The following ATIC variants were observed in gnomAD, a reference collection of about 807,000 sequenced individuals.
ATIC encodes the protein 5-aminoimidazole-4-carboxamide ribonucleotide formyltransferase/IMP cyclohydrolase.
Under a neutral mutation model 72.5 loss-of-function variants are expected in ATIC, and 64 were observed. The ratio of observed to expected loss-of-function variants is 0.88; its 90% CI spans 0.72 to 1.09. The LOEUF (loss-of-function observed/expected upper bound fraction) is 1.09. ATIC is among the 50% of genes least tolerant of loss of function. The pLI is 0.00. For missense variants in ATIC, 787 were observed against 732.4 expected (o/e 1.07, Z -0.86); for synonymous variants, 281 against 267.1 (o/e 1.05, Z -0.51).
At chr2:215,325,516 A>G (rs887417374) in intron 5 of ATIC, among the ~76,000 whole-genome samples, 187 bp downstream of exon 5, 3 of 151,670 alleles carry the variant, frequency 2.0e-5, no homozygotes, top group Non-Finnish European at 4.4e-5. Context: ...CTTTTTTTGT[A>G]TGCAGAGATG....
chr2:215,342,570 T>G (rs115996084), intron 12 of ATIC, among the ~76,000 whole-genome samples: 2,719 of 152,356 alleles, frequency 0.018, 35 homozygotes, highest in Middle Eastern at 0.037. Flanking sequence ...TCACTTGATA[T>G]GGCTTCCACC....
downstream of ATIC, among the ~76,000 whole-genome samples, chr2:215,351,659 A>C (rs1358336972): frequency 6.6e-6 from 1 of 152,186 alleles, no homozygotes; most frequent in Non-Finnish European, 1.5e-5. Flanking sequence ...ATGAAGAATA[A>C]ATAAGTGGAG....
chr2:215,346,269 C>G (rs1484609980), intron 13 of ATIC, among the ~76,000 whole-genome samples: 1 of 152,128 alleles, frequency 6.6e-6, no homozygotes, highest in Non-Finnish European at 1.5e-5. Context: ...TCAAGCGGTC[C>G]TACCACTTCA....
intron 7 of ATIC, among the ~76,000 whole-genome samples, chr2:215,327,470 G>T (rs1045824719): frequency 2.6e-5 from 4 of 152,194 alleles, no homozygotes. Context: ...GCAGAAATGT[G>T]ATGTTAAGAA....
intron 11 of ATIC, among the ~76,000 whole-genome samples, chr2:215,337,658 C>G (rs193283522): frequency 1.2e-3 from 187 of 152,328 alleles, no homozygotes; most frequent in African/African-American, 4.4e-3. Flanking sequence ...TGAGCCACCG[C>G]GCCTGGCCCC....
chr2:215,325,815 C>T (rs1185668815), intron 5 of ATIC, among the ~76,000 whole-genome samples, 172 bp from the exon 6 acceptor site: 12 of 152,180 alleles, frequency 7.9e-5, no homozygotes, highest in Admixed American at 7.9e-4. Context: ...ATCCACCTGC[C>T]TCAGCCTCCC....
intron 4 of ATIC, 84 bp from the exon 5 acceptor site, chr2:215,325,157 G>C: frequency 1.0e-6 from 1 of 968,516 alleles, no homozygotes; most frequent in East Asian, 2.4e-5. Context: ...TACGTTAATA[G>C]TACTGACTTG....
At chr2:215,337,366 A>G (rs1292238969) in intron 11 of ATIC, among the ~76,000 whole-genome samples, 5 of 152,124 alleles carry the variant, frequency 3.3e-5, no homozygotes. Flanking sequence ...ACCACATTAA[A>G]GTTAATACTT....
intron 14 of ATIC, among the ~76,000 whole-genome samples, chr2:215,348,162 G>C (rs1287088599): frequency 2.6e-5 from 4 of 152,150 alleles, no homozygotes; most frequent in African/African-American, 9.7e-5. Context: ...TTGCATTGGG[G>C]ATTAAGTTTC....
chr2:215,362,084 G>A, the ATIC span: 3 of 1,609,458 alleles, frequency 1.9e-6, no homozygotes, highest in South Asian at 1.1e-5. Flanking sequence ...CCAGCCCTGA[G>A]AGAGTAGAGG....
At chr2:215,326,182 G>A (rs1348695283) in intron 6 of ATIC, 44 bp downstream of exon 6, 10 of 1,611,702 alleles carry the variant, frequency 6.2e-6, no homozygotes, top group Non-Finnish European at 8.5e-6. Flanking sequence ...TCCATGGAGT[G>A]CAGTGTTTGC....
Position 215,349,561 on chromosome 2 carries a change from C to T in ATIC, c.1685C>T (p.Pro562Leu). ...AGTGGTGTGGCGTACATTGCGGCTC[C>T]CTCCGGTTCTGCTGCTGACAAAGTT... ...KRSGVAYIAA[P>L]SGSAADKVVI... Residue 562 changes from proline (P) to leucine (L), a missense_variant, in exon 16 of 16, where the codon CCC (proline) becomes CTC (leucine). By Grantham distance (98) the Pro-to-Leu change is moderately conservative (BLOSUM62 -3). Transcript: ENST00000236959. 6.2e-7 allele frequency: 1 copy of T among 1,614,122 alleles called. No individual in the cohort carries two copies.
intron 11 of ATIC, among the ~76,000 whole-genome samples, chr2:215,337,701 G>C (rs1007049931): frequency 2.6e-5 from 4 of 152,072 alleles, no homozygotes; most frequent in African/African-American, 9.7e-5. Flanking sequence ...TTTTGTTGTT[G>C]TTGTTAAGAG....
At chr2:215,354,906 C>T in the ATIC span, among the ~76,000 whole-genome samples, 1 of 151,916 alleles carries the variant, frequency 6.6e-6, no homozygotes. Context: ...AGCTGATGCA[C>T]TCCTCGCCAG....
At chr2:215,337,684 G>T (rs777537916) in intron 11 of ATIC, among the ~76,000 whole-genome samples, 2 of 151,498 alleles carry the variant, frequency 1.3e-5, no homozygotes, top group Non-Finnish European at 2.9e-5. Context: ...TCTTAATCAA[G>T]TTTTTTTTTT....
intron 2 of ATIC, among the ~76,000 whole-genome samples, chr2:215,317,675 G>C (rs13404113): frequency 6.6e-6 from 1 of 151,940 alleles, no homozygotes; most frequent in East Asian, 1.9e-4. Flanking sequence ...TTTTAGTAGA[G>C]CTGGGGTTTC....
rs761526509 is a variant in ATIC, at chr2:215,326,838, C to A, written c.548C>A (p.Ala183Glu). The A allele has an allele frequency of 2.2e-5, 35 of 1,613,870 alleles. No individual in the cohort carries two copies. In the Middle Eastern group the frequency reaches 5.0e-4, roughly 23 times the overall value. Residue 183 changes from alanine to glutamate, a missense_variant, in exon 7 of 16, where the codon GCA becomes GAA. Coordinates refer to ENST00000236959, the MANE Select transcript of ATIC (RefSeq NM_004044.7). ...TTTTTGTAGGCATTCACTCATACGG[C>A]ACAATATGATGAAGCAATTTCAGAT... The part of the protein sequence containing the change: ...QLALKAFTHT[A>E]QYDEAISDYF...
Position 215,338,704 on chromosome 2 carries a change from T to C in ATIC, c.1099-75T>C, listed in dbSNP as rs1270750276. ...ATATAACTTTACTTACAATGAAATC[T>C]TTTGTATATAAATTAAATGAAAAAT... On this transcript the variant is annotated intron_variant, in intron 11 of 15. Transcript: ENST00000236959. 5 of 1,477,598 alleles carry C rather than the reference T, an allele frequency of 3.4e-6. No homozygotes were observed. In the East Asian group the frequency reaches 1.2e-4, roughly 36 times the overall value. 91.5% of individuals were successfully genotyped at this position (1,477,598 alleles called of 1,614,324 possible). A position where few individuals can be genotyped will look rare whatever the true frequency, so the allele number is the denominator to read the frequency against.
intron 3 of ATIC, among the ~76,000 whole-genome samples, chr2:215,319,236 A>G (rs1323367457): frequency 1.3e-5 from 2 of 152,094 alleles, no homozygotes; most frequent in African/African-American, 4.8e-5. Flanking sequence ...TACATGTTTG[A>G]TATTCTTTAA....
Sources: gnomAD v4.1 joint callset for allele counts (sites outside exome capture counted in the v4.1 genomes callset) on GRCh38, gnomAD v4.1.1 for gene constraint, MANE v1.5 for transcripts, NCBI Gene and HGNC (gene_info 2026-07-23, HGNC 2026-07-21) for gene names.